Variants in DLG2 observed in about 807,000 individuals in gnomAD.
The protein encoded by DLG2 is discs large MAGUK scaffold protein 2.
In DLG2, 45 loss-of-function variants were observed where a neutral mutation model predicts 132.5. The observed-to-expected ratio is 0.34, with a 90% CI of 0.27 to 0.44. DLG2 has a LOEUF of 0.44. Ranked by LOEUF, DLG2 falls within the 20% of genes least tolerant of loss-of-function variation. The pLI, the probability that DLG2 is intolerant of heterozygous loss-of-function variation, is 1.00. For missense variants in DLG2, 1,045 were observed against 1,196.9 expected, an observed-to-expected ratio of 0.87 and a Z score of 1.87; for synonymous variants, 424 against 419.6, an observed-to-expected ratio of 1.01 and a Z score of -0.13.
intron 7 of DLG2, among the ~76,000 whole-genome samples, chr11:84,531,052 G>A (rs899370811): frequency 7.9e-5 from 12 of 152,114 alleles, no homozygotes; most frequent in African/African-American, 2.7e-4. Flanking sequence ...GGAGGTAGAG[G>A]TTGCAGGGAG....
chr11:83,604,884 A>G (rs2153386423), intron 19 of DLG2, among the ~76,000 whole-genome samples: 1 of 152,346 alleles, frequency 6.6e-6, no homozygotes, highest in South Asian at 2.1e-4. Context: ...AATGAAATTT[A>G]TGGGAGGCTA....
chr11:85,116,032 T>G (rs551760081), intron 5 of DLG2, among the ~76,000 whole-genome samples: 58 of 152,028 alleles, frequency 3.8e-4, no homozygotes, highest in African/African-American at 1.4e-3. Context: ...TCAGCTGTCT[T>G]ACTCATCCGT....
intron 19 of DLG2, among the ~76,000 whole-genome samples, chr11:83,577,988 T>A (rs2096908258): frequency 7.2e-6 from 1 of 138,646 alleles, no homozygotes. Flanking sequence ...TAAATAAATA[T>A]ATATAATACA....
intron 10 of DLG2, among the ~76,000 whole-genome samples, chr11:84,078,242 G>C (rs977015696): frequency 6.6e-6 from 1 of 152,048 alleles, no homozygotes; most frequent in Non-Finnish European, 1.5e-5. Context: ...CAGAAATCTT[G>C]TTCATATAAA....
intron 18 of DLG2, among the ~76,000 whole-genome samples, chr11:83,748,066 G>T (rs1333292473): frequency 2.0e-5 from 3 of 152,192 alleles, no homozygotes; most frequent in African/African-American, 7.2e-5. Flanking sequence ...TCTGGCTTGA[G>T]AATCCCCATC....
chr11:85,141,795 A>C (rs2076498989), intron 5 of DLG2, among the ~76,000 whole-genome samples: 1 of 151,676 alleles, frequency 6.6e-6, no homozygotes, highest in Admixed American at 6.6e-5. Context: ...TTCCTGGCAC[A>C]ATTTATTAAA....
chr11:83,800,874 G>C (rs2044186726), intron 17 of DLG2, among the ~76,000 whole-genome samples: 2 of 152,108 alleles, frequency 1.3e-5, no homozygotes, highest in Non-Finnish European at 2.9e-5. Context: ...GCAAAAAATA[G>C]TTGAAACCTT....
At chr11:84,823,609 A>ACT (rs1386914139) in intron 6 of DLG2, among the ~76,000 whole-genome samples, 2 of 150,752 alleles carry the variant, frequency 1.3e-5, no homozygotes, top group African/African-American at 4.9e-5. Context: ...ACACACACAC[A>ACT]CACACACACA....
At chr11:84,492,344 T>C (rs117938194) in intron 7 of DLG2, among the ~76,000 whole-genome samples, 2,402 of 152,276 alleles carry the variant, frequency 0.016, 30 homozygotes, top group South Asian at 0.028. Context: ...AAGCAAATCA[T>C]TGTCAGTAGA....
intron 3 of DLG2, among the ~76,000 whole-genome samples, chr11:85,569,172 C>A (rs1187146251): frequency 6.6e-6 from 1 of 152,158 alleles, no homozygotes; most frequent in African/African-American, 2.4e-5. Flanking sequence ...GCTGGGATTA[C>A]AGGCACCCAT....
chr11:85,020,947 C>T (rs2060008565), intron 6 of DLG2: 20 of 775,638 alleles, frequency 2.6e-5, no homozygotes, highest in South Asian at 2.5e-4. Context: ...TCCAACTTCA[C>T]ATTAGTCTCA....
At chr11:83,662,447 G>A (rs187515293) in intron 18 of DLG2, among the ~76,000 whole-genome samples, 22 of 152,182 alleles carry the variant, frequency 1.4e-4, no homozygotes, top group Admixed American at 3.3e-4. Context: ...GAGAGGAGGC[G>A]GAGTGTTATA....
intron 18 of DLG2, among the ~76,000 whole-genome samples, chr11:83,662,346 T>C (rs1277649062): frequency 6.6e-6 from 1 of 152,178 alleles, no homozygotes; most frequent in Non-Finnish European, 1.5e-5. Context: ...GCAAGCACTG[T>C]ATTGAAACCT....
intron 3 of DLG2, among the ~76,000 whole-genome samples, chr11:85,367,529 G>A (rs917275718): frequency 1.3e-5 from 2 of 152,120 alleles, no homozygotes; most frequent in South Asian, 2.1e-4. Flanking sequence ...GTTGCATATT[G>A]GGAGGTGCTC....
chr11:83,847,739 C>T (rs913784911), intron 16 of DLG2, among the ~76,000 whole-genome samples: 2 of 152,122 alleles, frequency 1.3e-5, no homozygotes, highest in Non-Finnish European at 2.9e-5. Flanking sequence ...AGAAGTGGGG[C>T]GTTCCCATTT....
intron 7 of DLG2, among the ~76,000 whole-genome samples, chr11:84,410,282 T>C (rs1309513349): frequency 1.3e-5 from 2 of 152,106 alleles, no homozygotes; most frequent in African/African-American, 4.8e-5. Context: ...GCATGATAGA[T>C]CAAGGATTAA....
rs1316003896 is a variant in DLG2 at position 84,861,632 on chromosome 11, AAAAAAAAC to A, written c.357+250021_357+250028del. 1.1e-3 allele frequency among the ~76,000 whole-genome samples: 72 copies of A among 66,460 alleles called. 5 individuals are homozygous for A. Among genetic ancestry groups the A allele is most frequent in the African/African-American group, 3.7e-3 (65 of 17,342 alleles). The allele number at this position is 66,460 out of a possible 152,430, so 43.6% of individuals were successfully genotyped here. On this transcript the variant is annotated intron_variant, in intron 6 of 27. Transcript: ENST00000376104. ...CTTCTACACAGCAAAAAAAAAAAAA[AAAAAAAAC>A]AAAAAAAAAAACCTATCAGAGGGAA...
chr11:83,945,838 G>GTGTT, intron 14 of DLG2, among the ~76,000 whole-genome samples: 1 of 151,322 alleles, frequency 6.6e-6, no homozygotes, highest in Non-Finnish European at 1.5e-5. Flanking sequence ...GTGTGTGTGT[G>GTGTT]TGTGTGTTTT....
intron 6 of DLG2, among the ~76,000 whole-genome samples, chr11:84,588,237 T>C (rs2099534424): frequency 6.6e-6 from 1 of 152,174 alleles, no homozygotes; most frequent in African/African-American, 2.4e-5. Flanking sequence ...GCAGTTTGAC[T>C]CCGCAATCCA....
Sources: gnomAD v4.1 joint callset for allele counts (sites outside exome capture counted in the v4.1 genomes callset) on GRCh38, gnomAD v4.1.1 for gene constraint, MANE v1.5 for transcripts, NCBI Gene and HGNC (gene_info 2026-07-23, HGNC 2026-07-21) for gene names.